FBXO34: variants seen among roughly 807,000 people sequenced by gnomAD.
FBXO34 encodes the protein F-box protein 34, also known as F-box only protein 34.
FBXO34 carries 12 observed loss-of-function variants against 24.5 expected under a neutral mutation model. The observed-to-expected ratio is 0.49, with a 90% CI of 0.31 to 0.79. The LOEUF is 0.79. Among genes scored for constraint, FBXO34 ranks in the 30% least tolerant of loss-of-function variants. The pLI is 0.04. For synonymous variants in FBXO34, 320 were observed against 311.9 expected (o/e 1.03, Z -0.27); for missense variants, 823 against 857.7 (o/e 0.96, Z 0.51).
intron 1 of FBXO34, among the ~76,000 whole-genome samples, chr14:55,321,834 C>T (rs1347462977): frequency 6.6e-6 from 1 of 152,224 alleles, no homozygotes; most frequent in African/African-American, 2.4e-5. Flanking sequence ...CCGCAGGGAT[C>T]TGTCAAAAAT....
chr14:55,401,426 A>C, the FBXO34 span, among the ~76,000 whole-genome samples: 1 of 152,196 alleles, frequency 6.6e-6, no homozygotes, highest in East Asian at 1.9e-4. Flanking sequence ...TAATGACACT[A>C]GTTTTTGTGC....
intron 1 of FBXO34, among the ~76,000 whole-genome samples, chr14:55,293,071 CGGGGTTTCACCATGTTGGCCA>C (rs2139682195): frequency 6.7e-6 from 1 of 150,180 alleles, no homozygotes; most frequent in Admixed American, 6.6e-5. Flanking sequence ...GTAGTAGAGA[CGGGGTTTCACCATGTTGGCCA>C]GGCTGGTCTC....
the FBXO34 span, chr14:55,391,140 A>T: frequency 1.8e-6 from 1 of 570,850 alleles, no homozygotes; most frequent in Non-Finnish European, 3.0e-6. Context: ...ACTATGGAAC[A>T]TTACGAAAAA....
chr14:55,394,865 C>G, the FBXO34 span: 1 of 342,964 alleles, frequency 2.9e-6, no homozygotes, highest in East Asian at 7.7e-5. Context: ...ACACCCAAGA[C>G]AGTAAAAGCC....
chr14:55,348,164 C>G (rs1884219763), intron 1 of FBXO34, among the ~76,000 whole-genome samples: 2 of 152,072 alleles, frequency 1.3e-5, no homozygotes, highest in African/African-American at 4.8e-5. Flanking sequence ...TCAGAAAGAC[C>G]CTGATAAGAT....
chr14:55,368,909 G>A (rs1884746245), downstream of FBXO34: 1 of 152,458 alleles, frequency 6.6e-6, no homozygotes, highest in African/African-American at 2.4e-5. Flanking sequence ...CAAGAAAATA[G>A]TTAAAAACTC....
At chr14:55,429,788 A>T in the FBXO34 span, among the ~76,000 whole-genome samples, 1 of 150,720 alleles carries the variant, frequency 6.6e-6, no homozygotes, top group East Asian at 1.9e-4. Context: ...AAAAAAAAAA[A>T]AGAAAACAAC....
downstream of FBXO34, among the ~76,000 whole-genome samples, chr14:55,365,342 G>A (rs1884657350): frequency 6.6e-6 from 1 of 151,786 alleles, no homozygotes; most frequent in Non-Finnish European, 1.5e-5. Context: ...TGGGATTTCA[G>A]GCATGAACCA....
rs551133121 is a variant in FBXO34, at chr14:55,281,323, A to G, written c.-11+9786A>G. Among the ~76,000 whole-genome samples, 8 of 151,406 alleles carry G rather than the reference A, an allele frequency of 5.3e-5. No homozygotes were observed. The South Asian group carries it at 1.0e-3, about 20-fold the overall frequency. ...TAATATTTCAGGTGCCAAAGGCCAC[A>G]TGTGGTTAGTGGCTGCTGTATTGGA... On this transcript the variant is annotated intron_variant, in intron 1 of 1. Transcript: ENST00000313833.
the FBXO34 span, among the ~76,000 whole-genome samples, chr14:55,406,560 G>A: frequency 1.3e-5 from 2 of 152,216 alleles, no homozygotes; most frequent in African/African-American, 4.8e-5. Context: ...GCAGAGACCT[G>A]TCTTTCTCCT....
At chr14:55,300,937 C>G (rs1164956090) in intron 1 of FBXO34, among the ~76,000 whole-genome samples, 1 of 152,154 alleles carries the variant, frequency 6.6e-6, no homozygotes. Flanking sequence ...TAAGGTTATT[C>G]TTTTGTGAAT....
chr14:55,343,099 G>C (rs891860374), intron 1 of FBXO34, among the ~76,000 whole-genome samples: 7 of 152,148 alleles, frequency 4.6e-5, no homozygotes. Flanking sequence ...AGTGAAGAAG[G>C]CTGTCATAAG....
intron 1 of FBXO34, among the ~76,000 whole-genome samples, chr14:55,331,667 GTGT>G (rs552730657): frequency 0.021 from 1,121 of 53,182 alleles, 145 homozygotes; most frequent in Non-Finnish European, 0.026. Context: ...CCAACATGGT[GTGT>G]GTATATATAT....
intron 1 of FBXO34, among the ~76,000 whole-genome samples, chr14:55,306,077 C>T (rs1255064924): frequency 1.3e-5 from 2 of 152,202 alleles, no homozygotes; most frequent in Non-Finnish European, 2.9e-5. Flanking sequence ...AATACATAGT[C>T]CTCCTCTTTT....
chr14:55,367,139 T>C (rs1031482413), intron 2 of FBXO34: 1 of 152,434 alleles, frequency 6.6e-6, no homozygotes, highest in African/African-American at 2.4e-5. Context: ...CTGGATTCTA[T>C]TCTTTAGCTT....
At chr14:55,383,633 A>T in the FBXO34 span, among the ~76,000 whole-genome samples, 1 of 151,510 alleles carries the variant, frequency 6.6e-6, no homozygotes, top group Non-Finnish European at 1.5e-5. Flanking sequence ...GCCCATCATG[A>T]TGACTCATGC....
chr14:55,409,816 T>A, the FBXO34 span, among the ~76,000 whole-genome samples: 2 of 152,198 alleles, frequency 1.3e-5, no homozygotes, highest in Non-Finnish European at 1.5e-5. Flanking sequence ...ACTGGAAGAT[T>A]TGAACAGAAA....
At position 55,351,513 on chromosome 14, in the gene FBXO34, C is replaced by T. The variant is rs1594768093; in HGVS notation, c.1123C>T (p.Pro375Ser). Residue 375 changes from proline (P) to serine (S), a missense_variant, in exon 2 of 2, where the codon CCA becomes TCA. Pro to Ser is a moderately conservative substitution (Grantham distance 74). This residue lies in a region of FBXO34 where 693 missense variants were observed against 659.1 expected (regional missense o/e 1.05). Coordinates refer to ENST00000313833, the MANE Select transcript of FBXO34 (RefSeq NM_017943.4). Reference sequence around the variant, plus strand: ...GGACGGTGCTTCTCAGGACTGCCCCCCATTGCCAGCAGGAGTGAGTTTCCA... The same window carrying T: ...GGACGGTGCTTCTCAGGACTGCCCCTCATTGCCAGCAGGAGTGAGTTTCCA... ...AWDGASQDCP[P>S]LPAGVSFHID... is the part of the protein sequence containing the mutation. 1 of 1,614,162 alleles carries T rather than the reference C, an allele frequency of 6.2e-7. No homozygotes were observed. The highest frequency in any genetic ancestry group is 8.5e-7 in the Non-Finnish European group (1 of 1,180,032).
chr14:55,276,074 G>A (rs1881332996), intron 1 of FBXO34, among the ~76,000 whole-genome samples: 1 of 152,074 alleles, frequency 6.6e-6, no homozygotes, highest in Admixed American at 6.5e-5. Flanking sequence ...GTCTATCTAG[G>A]CAATCTAAAA....
Sources: allele counts gnomAD v4.1 joint callset (sites outside exome capture counted in the v4.1 genomes callset), GRCh38; gene constraint gnomAD v4.1.1; regional missense constraint gnomAD v4.1.1; transcripts MANE v1.5; gene names NCBI Gene and HGNC (gene_info 2026-07-23, HGNC 2026-07-21).